The following DIO2 variants were observed in gnomAD, a reference collection of about 807,000 sequenced individuals.
The protein encoded by DIO2 is type II iodothyronine deiodinase.
DIO2 carries 19 observed loss-of-function variants against 21.4 expected under a neutral mutation model. The observed-to-expected ratio is 0.89, with a 90% CI of 0.62 to 1.30. The LOEUF (loss-of-function observed/expected upper bound fraction) is 1.30, where lower values mean the gene tolerates loss of function less well. DIO2 is among the 50% of genes most tolerant of loss of function. DIO2 has a pLI of 0.00. For synonymous variants in DIO2, 122 were observed against 132.9 expected, an observed-to-expected ratio of 0.92 and a Z score of 0.57; for missense variants, 302 against 338.1, an observed-to-expected ratio of 0.89 and a Z score of 0.84.
chr14:80,216,348 C>T (rs529726859), upstream of DIO2, among the ~76,000 whole-genome samples: 241 of 152,260 alleles, frequency 1.6e-3, 2 homozygotes, highest in African/African-American at 5.7e-3. Context: ...AACAGCTGTC[C>T]GGTATCTGGA....
At position 80,211,348 on chromosome 14, in the gene DIO2, C is replaced by T. The variant is rs1888183048; in HGVS notation, c.125G>A (p.Ser42Asn). The change falls in exon 1 of 2, where the codon AGC (serine) becomes AAC (asparagine). Residue 42 changes from serine to asparagine, a missense_variant. Ser to Asn is a conservative substitution (Grantham distance 46, BLOSUM62 1). Transcript: ENST00000438257. Reference protein sequence around the residue: ...ILLKHVVLLLSRSKSTRGEWR... With the variant: ...ILLKHVVLLLNRSKSTRGEWR... ...CTCTCCGCGAGTGGACTTGGAGCGG[C>T]TCAACAGCAGCACCACGTGCTTGAG... The T allele has an allele frequency of 6.2e-7, 1 of 1,613,700 alleles. No individual in the cohort carries two copies. Among genetic ancestry groups the T allele is most frequent in the South Asian group, 1.1e-5 (1 of 91,060 alleles).
intron 2 of DIO2, among the ~76,000 whole-genome samples, chr14:80,223,036 A>AT (rs903754333): frequency 6.6e-6 from 1 of 151,692 alleles, no homozygotes; most frequent in Non-Finnish European, 1.5e-5. Context: ...AAATTATTTT[A>AT]TTTTTTGTAG....
upstream of DIO2, chr14:80,216,138 T>C (rs933562393): frequency 2.0e-5 from 3 of 152,162 alleles, no homozygotes; most frequent in Non-Finnish European, 2.9e-5. Context: ...CTCTTTTTTT[T>C]CCAGGCTACC....
intron 1 of DIO2, among the ~76,000 whole-genome samples, chr14:80,207,234 A>G (rs1287064121): frequency 2.6e-5 from 4 of 152,178 alleles, no homozygotes; most frequent in Non-Finnish European, 4.4e-5. Flanking sequence ...GAACATAAAC[A>G]TATAGCATAT....
At chr14:80,212,051 CT>C (rs1320266531), upstream of DIO2, 1 of 147,694 alleles carries the variant, frequency 6.8e-6, no homozygotes, top group Admixed American at 6.8e-5. Context: ...TTTACACACA[CT>C]TTCTGTGCTT....
intron 1 of DIO2, among the ~76,000 whole-genome samples, chr14:80,207,403 T>G (rs1409515050): frequency 2.0e-5 from 3 of 152,208 alleles, no homozygotes; most frequent in African/African-American, 7.2e-5. Context: ...TAACCTTGTT[T>G]CTTGTTTTGG....
chr14:80,220,064 G>A (rs1030038012), intron 2 of DIO2, among the ~76,000 whole-genome samples: 10 of 136,834 alleles, frequency 7.3e-5, no homozygotes, highest in African/African-American at 1.4e-4. Context: ...GTGTGTGTGT[G>A]TTTTGTTGTT....
intron 2 of DIO2, among the ~76,000 whole-genome samples, chr14:80,223,120 T>TC (rs1314010876): frequency 1.3e-5 from 2 of 152,154 alleles, no homozygotes; most frequent in African/African-American, 4.8e-5. Flanking sequence ...GGTCAAGGGA[T>TC]TATAGGCATA....
In DIO2 at chr14:80,209,987, T is replaced by C. The variant is rs889881339; in HGVS notation, c.222+1264A>G. On this transcript the variant is annotated intron_variant, in intron 1 of 1. Transcript: ENST00000438257. ...TGGAGGATGCATTCCCTTGCGTCTCTATTATTTCGAGTTCCCCGTCTCTGG... is the reference window on the plus strand; with the variant it reads ...TGGAGGATGCATTCCCTTGCGTCTCCATTATTTCGAGTTCCCCGTCTCTGG... Among the ~76,000 whole-genome samples, 3 of 152,204 alleles carry C rather than the reference T, an allele frequency of 2.0e-5. No individual in the cohort carries two copies. The South Asian group carries it at 6.2e-4, about 32-fold the overall frequency.
chr14:80,206,183 T>C (rs1244803302), intron 1 of DIO2: 1 of 1,206,850 alleles, frequency 8.3e-7, no homozygotes, highest in Non-Finnish European at 1.2e-6. Flanking sequence ...AATGCATAGA[T>C]AAAATTAATA....
In DIO2 at chr14:80,203,272, T is replaced by C. The variant is rs750567166; in HGVS notation, c.239A>G (p.Asp80Gly). 1.9e-6 allele frequency: 3 copies of C among 1,553,178 alleles called. No homozygotes were observed. The Admixed American group carries it at 5.8e-5, about 30-fold the overall frequency. ...ATGCACCACACTGGAATTGGGGGCA[T>C]CCTCACCCAATTTCACCTGACGGTA... ...DAYKQVKLGE[D>G]APNSSVVHVS... The change falls in exon 2 of 2, where the codon GAT becomes GGT. Residue 80 changes from aspartate to glycine, a missense_variant. Transcript: ENST00000438257.
At chr14:80,217,102 A>C (rs1888377613) in intron 2 of DIO2, among the ~76,000 whole-genome samples, 1 of 152,222 alleles carries the variant, frequency 6.6e-6, no homozygotes, top group African/African-American at 2.4e-5. Context: ...AGGCTCAAAG[A>C]AAATAAACTA....
chr14:80,224,307 T>C (rs1888526113), intron 2 of DIO2, among the ~76,000 whole-genome samples: 1 of 152,038 alleles, frequency 6.6e-6, no homozygotes, highest in Non-Finnish European at 1.5e-5. Context: ...GCTAAAAAAT[T>C]CCACCACCTC....
chr14:80,208,387 A>G (rs922345579), intron 1 of DIO2, among the ~76,000 whole-genome samples: 6 of 152,208 alleles, frequency 3.9e-5, no homozygotes, highest in African/African-American at 1.4e-4. Flanking sequence ...TTTAAAAAAA[A>G]AAGAAAAGAA....
Position 80,202,464 on chromosome 14 carries a change from A to G in DIO2, c.*225T>C. The G allele has an allele frequency of 1.1e-5, 8 of 743,460 alleles. No individual in the cohort carries two copies. The highest frequency in any genetic ancestry group is 9.7e-5 in the South Asian group (7 of 72,250). 46.1% of individuals were successfully genotyped at this position (743,460 alleles called of 1,614,324 possible). A position where few individuals can be genotyped will look rare whatever the true frequency, so the allele number is the denominator to read the frequency against. ...CCTCTCCATCTTGGGATCTTTTCAC[A>G]TAGGGCTTTTTACTAAGAAGAGAGG... On this transcript the variant is annotated 3_prime_UTR_variant, in exon 2 of 2. Coordinates refer to ENST00000438257, the MANE Select transcript of DIO2 (RefSeq NM_013989.5).
At chr14:80,209,378 A>G (rs1205223027) in intron 1 of DIO2, among the ~76,000 whole-genome samples, 2 of 152,090 alleles carry the variant, frequency 1.3e-5, no homozygotes, top group East Asian at 3.9e-4. Flanking sequence ...TATAGGCAAA[A>G]GGCAATTGTC....
intron 2 of DIO2, among the ~76,000 whole-genome samples, chr14:80,224,900 A>T (rs1888541582): frequency 6.6e-6 from 1 of 152,170 alleles, no homozygotes; most frequent in Admixed American, 6.6e-5. Flanking sequence ...CATGATCACA[A>T]GGTCCCACAA....
chr14:80,222,505 T>C (rs61989395), intron 2 of DIO2, among the ~76,000 whole-genome samples: 3 of 152,252 alleles, frequency 2.0e-5, no homozygotes, highest in Non-Finnish European at 2.9e-5. Context: ...GTTCCCATAA[T>C]CATTGACATT....
rs773566887 is a variant in DIO2, at chr14:80,200,086, T to C, written c.*2603A>G. 6.6e-6 allele frequency: 1 copy of C among 152,618 alleles called. No individual in the cohort carries two copies. The allele number at this position is 152,618 out of a possible 1,614,324, so 9.5% of individuals were successfully genotyped here. A position where few individuals can be genotyped will look rare whatever the true frequency, so the allele number is the denominator to read the frequency against. ...TCACAAGAAATCATAAAAATTCATG[T>C]TGCGATAAATAGGTTACATAATTAC... On this transcript the variant is annotated 3_prime_UTR_variant, in exon 2 of 2. Transcript: ENST00000438257.
Sources: gnomAD v4.1 joint callset for allele counts (sites outside exome capture counted in the v4.1 genomes callset) on GRCh38, gnomAD v4.1.1 for gene constraint, MANE v1.5 for transcripts, NCBI Gene and HGNC (gene_info 2026-07-23, HGNC 2026-07-21) for gene names.